SLC1A1: variants seen among roughly 807,000 people sequenced by gnomAD.
The protein encoded by SLC1A1 is excitatory amino acid transporter 3.
A neutral mutation model predicts 53.3 loss-of-function variants in SLC1A1; 43 were observed. The observed-to-expected ratio is 0.81, with a 90% CI of 0.63 to 1.04. The LOEUF is 1.04. SLC1A1 is among the 50% of genes least tolerant of loss of function. The pLI, the probability that SLC1A1 is intolerant of heterozygous loss-of-function variation, is 0.00. For synonymous variants in SLC1A1, 307 were observed against 243.2 expected (o/e 1.26, Z -2.44); for missense variants, 748 against 664.9 (o/e 1.12, Z -1.37).
rs1586702828 is a variant in SLC1A1, at chr9:4,515,175, G to A, written c.91+24405G>A. Among the ~76,000 whole-genome samples the A allele has an allele frequency of 2.6e-5, 4 of 152,066 alleles. No homozygotes were observed. The East Asian group carries it at 5.8e-4, about 22-fold the overall frequency. On this transcript the variant is annotated intron_variant, in intron 1 of 11. Coordinates refer to ENST00000262352, the MANE Select transcript of SLC1A1 (RefSeq NM_004170.6). Reference sequence around the variant, plus strand: ...CAGGGCTTCAAAGTGAGTGTCCCAAGAAGAAAACTAATCAGATGCTGGCCT... The same window carrying A: ...CAGGGCTTCAAAGTGAGTGTCCCAAAAAGAAAACTAATCAGATGCTGGCCT...
In SLC1A1 at chr9:4,490,624, G is replaced by C. The variant is rs2130782225; in HGVS notation, c.-56G>C. The C allele has an allele frequency of 6.9e-7, 1 of 1,452,138 alleles. No individual in the cohort carries two copies. Among genetic ancestry groups the C allele is most frequent in the Non-Finnish European group, 9.6e-7 (1 of 1,042,292 alleles). The allele number at this position is 1,452,138 out of a possible 1,614,324, so 90.0% of individuals were successfully genotyped here. A position where few individuals can be genotyped will look rare whatever the true frequency, so the allele number is the denominator to read the frequency against. ...GCCGCCGAGCAGCCAGCAGTCCCCG[G>C]GTCGCCCAGCCCACGCGCGCACGGC... On this transcript the variant is annotated 5_prime_UTR_variant, in exon 1 of 12. Transcript: ENST00000262352.
chr9:4,581,742 C>T (rs1210053089), intron 10 of SLC1A1, among the ~76,000 whole-genome samples: 6 of 152,190 alleles, frequency 3.9e-5, no homozygotes, highest in Non-Finnish European at 5.9e-5. Context: ...GGCCTGAAAC[C>T]TTTAGAGTAA....
At chr9:4,504,009 G>A (rs140195204) in intron 1 of SLC1A1, among the ~76,000 whole-genome samples, 1 of 152,354 alleles carries the variant, frequency 6.6e-6, no homozygotes, top group Admixed American at 6.5e-5. Flanking sequence ...CCCAGAAGAA[G>A]AGCAAGTCTG....
intron 4 of SLC1A1, among the ~76,000 whole-genome samples, chr9:4,565,733 T>C (rs181857666): frequency 6.6e-6 from 1 of 152,304 alleles, no homozygotes; most frequent in East Asian, 1.9e-4. Flanking sequence ...ACCTCATTGA[T>C]GAAAACAGAA....
chr9:4,494,269 C>T (rs1326505363), intron 1 of SLC1A1, among the ~76,000 whole-genome samples: 3 of 149,438 alleles, frequency 2.0e-5, no homozygotes, highest in Admixed American at 1.4e-4. Context: ...CTACAAGCCT[C>T]AATTTCCTCA....
intron 1 of SLC1A1, among the ~76,000 whole-genome samples, chr9:4,493,117 T>A (rs1820295095): frequency 6.6e-6 from 1 of 152,214 alleles, no homozygotes; most frequent in African/African-American, 2.4e-5. Context: ...AAGAGCTTAG[T>A]TTGAGTACTT....
chr9:4,509,352 T>C (rs1018316434), intron 1 of SLC1A1, among the ~76,000 whole-genome samples: 2 of 152,040 alleles, frequency 1.3e-5, no homozygotes, highest in Admixed American at 6.5e-5. Flanking sequence ...GGACTATTTA[T>C]AGAGTTCAGC....
intron 4 of SLC1A1, among the ~76,000 whole-genome samples, chr9:4,564,670 C>T (rs901515669): frequency 6.6e-6 from 1 of 152,150 alleles, no homozygotes; most frequent in Non-Finnish European, 1.5e-5. Flanking sequence ...AACAGGCTTC[C>T]GCATCAGGAT....
intron 1 of SLC1A1, among the ~76,000 whole-genome samples, chr9:4,533,267 G>A (rs1816546696): frequency 1.3e-5 from 2 of 152,154 alleles, no homozygotes; most frequent in South Asian, 4.2e-4. Flanking sequence ...ACACAGACTG[G>A]CAAATTGGAT....
intron 1 of SLC1A1, 23 bp downstream of exon 1, chr9:4,490,793 G>A (rs369183789): frequency 8.4e-5 from 134 of 1,592,344 alleles, no homozygotes; most frequent in Middle Eastern, 5.0e-4. Context: ...GCGGGTGGGC[G>A]ATGCGCGCAC....
At chr9:4,533,525 A>C (rs1816556914) in intron 1 of SLC1A1, among the ~76,000 whole-genome samples, 1 of 152,220 alleles carries the variant, frequency 6.6e-6, no homozygotes, top group African/African-American at 2.4e-5. Flanking sequence ...TATCCTAAAT[A>C]TATATGCACC....
At position 4,566,087 on chromosome 9, in the gene SLC1A1, C is replaced by G. The variant is rs1204435408; in HGVS notation, c.481C>G (p.Gln161Glu). 1 of 1,611,770 alleles carries G rather than the reference C, an allele frequency of 6.2e-7. No homozygotes were observed. The highest frequency in any genetic ancestry group is 8.5e-7 in the Non-Finnish European group (1 of 1,177,924). The change falls in exon 5 of 12, where the codon CAG becomes GAG. Residue 161 changes from glutamine (Q) to glutamate (E), a missense_variant and splice_region_variant. Coordinates refer to ENST00000262352, the MANE Select transcript of SLC1A1 (RefSeq NM_004170.6). ...PENLVQACFQ[Q>E]YKTKREEVKP... Reference sequence around the variant, plus strand: ...GAATCTTGTCCAGGCCTGTTTTCAGCAGGTAATATTAATTACTTGTGCCCT... The same window carrying G: ...GAATCTTGTCCAGGCCTGTTTTCAGGAGGTAATATTAATTACTTGTGCCCT...
chr9:4,522,042 C>CTTCTTTTTTT (rs1816092652), intron 1 of SLC1A1, among the ~76,000 whole-genome samples: 1 of 88,448 alleles, frequency 1.1e-5, no homozygotes, highest in African/African-American at 3.9e-5. Flanking sequence ...GAACCTGCCT[C>CTTCTTTTTTT]TTTTTTTTTT....
At chr9:4,560,437 G>A (rs9886847) in intron 2 of SLC1A1, among the ~76,000 whole-genome samples, 38,000 of 151,902 alleles carry the variant, frequency 0.25, 5,139 homozygotes, top group East Asian at 0.46. Context: ...GAGAGGGTTA[G>A]AAACTATAAA....
chr9:4,580,746 G>A (rs1586861714), intron 10 of SLC1A1, among the ~76,000 whole-genome samples: 1 of 151,734 alleles, frequency 6.6e-6, no homozygotes. Flanking sequence ...AGTAGTAGTA[G>A]TTGTTGTAAT....
At chr9:4,580,508 T>C (rs937428795) in intron 10 of SLC1A1, among the ~76,000 whole-genome samples, 9 of 149,792 alleles carry the variant, frequency 6.0e-5, no homozygotes, top group African/African-American at 1.5e-4. Flanking sequence ...TTGAGCCCAA[T>C]AGGTGGAGGC....
intron 2 of SLC1A1, among the ~76,000 whole-genome samples, chr9:4,555,264 T>G (rs912526062): frequency 6.6e-6 from 1 of 152,198 alleles, no homozygotes; most frequent in Non-Finnish European, 1.5e-5. Context: ...CCACTTATAA[T>G]GGCATAACAC....
intron 1 of SLC1A1, among the ~76,000 whole-genome samples, chr9:4,542,466 C>T (rs1424140333): frequency 6.6e-6 from 1 of 152,166 alleles, no homozygotes; most frequent in Non-Finnish European, 1.5e-5. Flanking sequence ...CACAGTTAAT[C>T]ATTAGTAATA....
chr9:4,572,094 A>G, intron 6 of SLC1A1, 110 bp from the exon 7 acceptor site: 1 of 913,814 alleles, frequency 1.1e-6, no homozygotes, highest in South Asian at 1.3e-5. Flanking sequence ...TCTGCCTGGG[A>G]GATCACCAGT....
Sources: gnomAD v4.1 joint callset for allele counts (sites outside exome capture counted in the v4.1 genomes callset) on GRCh38, gnomAD v4.1.1 for gene constraint, MANE v1.5 for transcripts, NCBI Gene and HGNC (gene_info 2026-07-23, HGNC 2026-07-21) for gene names.